TASP1: variants seen among roughly 807,000 people sequenced by gnomAD.
TASP1 encodes threonine aspartase 1.
Under a neutral mutation model 56.6 loss-of-function variants are expected in TASP1, and 16 were observed. That is an observed-to-expected ratio of 0.28 (90% CI 0.19 to 0.43). TASP1 has a LOEUF of 0.43. TASP1 is among the 20% of genes least tolerant of loss of function. The pLI, the probability that TASP1 is intolerant of heterozygous loss-of-function variation, is 1.00. For missense variants in TASP1, 393 were observed against 511.6 expected (o/e 0.77, Z 2.24); for synonymous variants, 179 against 184.2 (o/e 0.97, Z 0.23).
At chr20:13,429,150 G>C (rs922198829) in intron 12 of TASP1, among the ~76,000 whole-genome samples, 1 of 152,228 alleles carries the variant, frequency 6.6e-6, no homozygotes, top group African/African-American at 2.4e-5. Context: ...GCTGGCCTAT[G>C]AGAAGGGGCT....
At chr20:13,234,155 C>T in the TASP1 span, among the ~76,000 whole-genome samples, 10,224 of 152,166 alleles carry the variant, frequency 0.067, 475 homozygotes, top group Middle Eastern at 0.14. Context: ...TGTCTGATTA[C>T]TCTTTGTATG....
At chr20:13,311,951 G>A in the TASP1 span, among the ~76,000 whole-genome samples, 1 of 152,168 alleles carries the variant, frequency 6.6e-6, no homozygotes, top group Admixed American at 6.5e-5. Flanking sequence ...CAAAAAAAAT[G>A]AATGTGGTGA....
the TASP1 span, among the ~76,000 whole-genome samples, chr20:13,178,589 AT>A: frequency 1.3e-5 from 2 of 152,056 alleles, no homozygotes; most frequent in Non-Finnish European, 2.9e-5. Context: ...AAATCCTGTC[AT>A]TTGGGGCAAC....
At chr20:13,523,919 T>G (rs376081062) in intron 10 of TASP1, among the ~76,000 whole-genome samples, 3 of 152,028 alleles carry the variant, frequency 2.0e-5, no homozygotes, top group African/African-American at 4.8e-5. Flanking sequence ...GAGGCCAAAG[T>G]GGGAGGATCA....
chr20:13,198,804 T>TTG, the TASP1 span, among the ~76,000 whole-genome samples: 17 of 39,164 alleles, frequency 4.3e-4, no homozygotes, highest in East Asian at 5.7e-3. Context: ...CTTTCTTTCT[T>TTG]TCTTTCTTTC....
chr20:13,492,469 C>A (rs915352790), intron 10 of TASP1, among the ~76,000 whole-genome samples: 1 of 152,110 alleles, frequency 6.6e-6, no homozygotes, highest in Admixed American at 6.5e-5. Flanking sequence ...GGTTTTCAAG[C>A]CTGTCTTGTG....
chr20:13,152,449 A>C, the TASP1 span, among the ~76,000 whole-genome samples: 1 of 152,170 alleles, frequency 6.6e-6, no homozygotes, highest in Non-Finnish European at 1.5e-5. Context: ...ACGTCCAAAA[A>C]AATGGTCTGG....
the TASP1 span, chr20:13,245,474 C>T: frequency 2.0e-5 from 3 of 152,204 alleles, no homozygotes; most frequent in Non-Finnish European, 2.9e-5. Flanking sequence ...AGAAGCAAGT[C>T]GTTTGCTCCA....
the TASP1 span, chr20:13,160,056 T>C: frequency 6.2e-7 from 1 of 1,613,926 alleles, no homozygotes; most frequent in East Asian, 2.2e-5. Flanking sequence ...GTCGTGGGAT[T>C]TCCAGCCACT....
At chr20:13,632,130 C>T (rs1445704654) in intron 1 of TASP1, among the ~76,000 whole-genome samples, 6 of 151,210 alleles carry the variant, frequency 4.0e-5, no homozygotes, top group Middle Eastern at 3.4e-3. Flanking sequence ...TTTGGGAGGC[C>T]GAGGCAGGCA....
chr20:13,409,061 T>C (rs2042013753), intron 13 of TASP1, among the ~76,000 whole-genome samples: 2 of 152,122 alleles, frequency 1.3e-5, no homozygotes, highest in Admixed American at 6.5e-5. Flanking sequence ...TTTTAAACTT[T>C]CTTTTCTACC....
intron 13 of TASP1, among the ~76,000 whole-genome samples, chr20:13,410,276 C>T (rs933560408): frequency 6.6e-6 from 1 of 152,180 alleles, no homozygotes; most frequent in Admixed American, 6.5e-5. Flanking sequence ...AGTAGTGCTG[C>T]AATGAACATG....
At chr20:13,247,767 CCT>C in the TASP1 span, among the ~76,000 whole-genome samples, 3 of 152,006 alleles carry the variant, frequency 2.0e-5, no homozygotes, top group African/African-American at 4.8e-5. Context: ...ACTTACAGCC[CCT>C]GAGGCTCAGA....
chr20:13,235,137 A>G, the TASP1 span, among the ~76,000 whole-genome samples: 1 of 152,326 alleles, frequency 6.6e-6, no homozygotes, highest in African/African-American at 2.4e-5. Context: ...TCATGGGTCC[A>G]TGGGTCAGCT....
chr20:13,144,443 A>G, the TASP1 span, among the ~76,000 whole-genome samples: 1 of 152,194 alleles, frequency 6.6e-6, no homozygotes, highest in Admixed American at 6.5e-5. Context: ...TATCATCCCC[A>G]TTTAACAGAT....
At chr20:13,293,828 G>T in the TASP1 span, among the ~76,000 whole-genome samples, 1 of 152,012 alleles carries the variant, frequency 6.6e-6, no homozygotes, top group African/African-American at 2.4e-5. Context: ...ACAAAAATTA[G>T]CTGGGCTTGG....
the TASP1 span, among the ~76,000 whole-genome samples, chr20:13,108,710 G>C: frequency 6.6e-6 from 1 of 152,116 alleles, no homozygotes; most frequent in Non-Finnish European, 1.5e-5. Flanking sequence ...AAGTAGCTGG[G>C]ATTAGAGGTG....
At chr20:13,332,949 G>A in the TASP1 span, among the ~76,000 whole-genome samples, 52 of 152,164 alleles carry the variant, frequency 3.4e-4, no homozygotes, top group Non-Finnish European at 6.0e-4. Flanking sequence ...CCAGAATTCC[G>A]TGCTCATGGG....
chr20:13,613,692 T>C (rs969198295), intron 4 of TASP1, among the ~76,000 whole-genome samples: 72 of 152,224 alleles, frequency 4.7e-4, no homozygotes, highest in Non-Finnish European at 1.6e-4. Context: ...TACTGAGCTA[T>C]ATATTATTAT....
Sources: allele counts gnomAD v4.1 joint callset (sites outside exome capture counted in the v4.1 genomes callset), GRCh38; gene constraint gnomAD v4.1.1; transcripts MANE v1.5; gene names NCBI Gene and HGNC (gene_info 2026-07-23, HGNC 2026-07-21).